DLG2: variants seen among roughly 807,000 people sequenced by gnomAD.
DLG2 encodes the protein discs large MAGUK scaffold protein 2, also known as disks large homolog 2.
DLG2 carries 45 observed loss-of-function variants against 132.5 expected under a neutral mutation model. The ratio of observed to expected loss-of-function variants is 0.34; its 90% CI spans 0.27 to 0.44. DLG2 has a LOEUF of 0.44. DLG2 is among the 20% of genes least tolerant of loss of function. The probability of loss-of-function intolerance (pLI) is 1.00; values close to 1 mark genes in which losing one functional copy is unlikely to be tolerated. For synonymous variants in DLG2, 424 were observed against 419.6 expected (o/e 1.01, Z -0.13); for missense variants, 1,045 against 1,196.9 (o/e 0.87, Z 1.87).
intron 22 of DLG2, among the ~76,000 whole-genome samples, chr11:83,478,485 G>C (rs1257234164): frequency 1.3e-5 from 2 of 151,960 alleles, no homozygotes; most frequent in Non-Finnish European, 2.9e-5. Flanking sequence ...CTAGTATTTA[G>C]AGTAAAAATA....
At chr11:84,928,911 A>G (rs1229215671) in intron 6 of DLG2, among the ~76,000 whole-genome samples, 1 of 147,386 alleles carries the variant, frequency 6.8e-6, no homozygotes, top group Non-Finnish European at 1.5e-5. Flanking sequence ...ATTGATATAA[A>G]TTTAACAAGC....
intron 5 of DLG2, among the ~76,000 whole-genome samples, chr11:85,151,568 T>A (rs1469134144): frequency 6.6e-6 from 1 of 152,180 alleles, no homozygotes; most frequent in Non-Finnish European, 1.5e-5. Context: ...TTTTTGTATA[T>A]GGTATAAAGT....
intron 6 of DLG2, among the ~76,000 whole-genome samples, chr11:84,874,719 A>T (rs983513956): frequency 6.6e-6 from 1 of 152,088 alleles, no homozygotes; most frequent in African/African-American, 2.4e-5. Flanking sequence ...AGATTGAAAG[A>T]CATACATAAG....
chr11:83,752,046 A>G (rs181507067), intron 18 of DLG2, among the ~76,000 whole-genome samples: 2,323 of 152,302 alleles, frequency 0.015, 25 homozygotes, highest in Non-Finnish European at 0.023. Context: ...AGGCAGGTGG[A>G]TCACGAGGTC....
At chr11:84,386,353 T>C (rs2098770163) in intron 7 of DLG2, among the ~76,000 whole-genome samples, 1 of 152,222 alleles carries the variant, frequency 6.6e-6, no homozygotes, top group African/African-American at 2.4e-5. Flanking sequence ...ATGTTTGATA[T>C]TTATAATATT....
chr11:83,593,493 G>A (rs1219139935), intron 19 of DLG2, among the ~76,000 whole-genome samples: 6 of 151,842 alleles, frequency 4.0e-5, no homozygotes, highest in Admixed American at 1.3e-4. Flanking sequence ...GGGGACTGTG[G>A]TGGGGTTGGC....
chr11:84,573,973 T>C (rs2099492252), intron 6 of DLG2, among the ~76,000 whole-genome samples: 1 of 152,204 alleles, frequency 6.6e-6, no homozygotes, highest in Non-Finnish European at 1.5e-5. Flanking sequence ...GGTACTTAAC[T>C]ATTCAACCAA....
chr11:84,344,959 GA>G (rs1001029308), intron 7 of DLG2, among the ~76,000 whole-genome samples: 3 of 151,566 alleles, frequency 2.0e-5, no homozygotes, highest in South Asian at 2.1e-4. Flanking sequence ...AAGCTGAAGT[GA>G]AAAAAAAGAG....
chr11:84,707,522 C>A (rs2059909774), intron 6 of DLG2, among the ~76,000 whole-genome samples: 1 of 151,738 alleles, frequency 6.6e-6, no homozygotes, highest in Admixed American at 6.6e-5. Context: ...AACAGAAAGC[C>A]AGCAGTGACT....
At chr11:84,661,441 T>G (rs191067289) in intron 6 of DLG2, among the ~76,000 whole-genome samples, 208 of 152,262 alleles carry the variant, frequency 1.4e-3, no homozygotes, top group Non-Finnish European at 2.3e-3. Context: ...TCCTCAATTA[T>G]AAAGTTGAAA....
chr11:85,404,739 A>C (rs2088550670), intron 3 of DLG2, among the ~76,000 whole-genome samples: 1 of 151,994 alleles, frequency 6.6e-6, no homozygotes. Flanking sequence ...GAATGTTGGT[A>C]TTTATAGTCT....
intron 3 of DLG2, among the ~76,000 whole-genome samples, chr11:85,371,227 C>G (rs1313256304): frequency 6.6e-6 from 1 of 152,086 alleles, no homozygotes; most frequent in Non-Finnish European, 1.5e-5. Context: ...TCAAGCAAAA[C>G]AGGAGTTAAC....
At chr11:85,193,635 C>T (rs942494376) in intron 4 of DLG2, among the ~76,000 whole-genome samples, 1 of 152,026 alleles carries the variant, frequency 6.6e-6, no homozygotes, top group Non-Finnish European at 1.5e-5. Flanking sequence ...TTAATGTTAT[C>T]GATCATCTTT....
chr11:84,883,960 T>G (rs1214794213), intron 6 of DLG2, among the ~76,000 whole-genome samples: 1 of 152,110 alleles, frequency 6.6e-6, no homozygotes, highest in African/African-American at 2.4e-5. Flanking sequence ...TGAGACTTCT[T>G]GTGCCAAAAC....
intron 18 of DLG2, among the ~76,000 whole-genome samples, chr11:83,734,338 CCCTTCCTTCCTT>C (rs563427546): frequency 0.22 from 20,547 of 95,184 alleles, 2,686 homozygotes; most frequent in Middle Eastern, 0.27. Context: ...CACTAATTTT[CCCTTCCTTCCTT>C]CCTTCCTTCC....
intron 4 of DLG2, among the ~76,000 whole-genome samples, chr11:85,259,950 T>C (rs1468369316): frequency 1.3e-5 from 2 of 152,140 alleles, no homozygotes; most frequent in African/African-American, 2.4e-5. Context: ...AAGTAATAAA[T>C]GAATGAGTAA....
intron 6 of DLG2, among the ~76,000 whole-genome samples, chr11:84,690,583 C>T (rs538031514): frequency 6.6e-6 from 1 of 151,728 alleles, no homozygotes; most frequent in South Asian, 2.1e-4. Context: ...AAGAATTTTC[C>T]CCAAGATATA....
intron 3 of DLG2, among the ~76,000 whole-genome samples, chr11:85,288,544 C>A (rs1424043900): frequency 6.6e-6 from 1 of 152,010 alleles, no homozygotes; most frequent in African/African-American, 2.4e-5. Context: ...TGCCTGTGGT[C>A]CCAGCTACTG....
At chr11:84,403,715 T>C (rs772486023) in intron 7 of DLG2, among the ~76,000 whole-genome samples, 1 of 152,214 alleles carries the variant, frequency 6.6e-6, no homozygotes, top group Non-Finnish European at 1.5e-5. Flanking sequence ...CTTCAATCTA[T>C]TTCTCACTCA....
Sources: allele counts gnomAD v4.1 joint callset (sites outside exome capture counted in the v4.1 genomes callset), GRCh38; gene constraint gnomAD v4.1.1; transcripts MANE v1.5; gene names NCBI Gene and HGNC (gene_info 2026-07-23, HGNC 2026-07-21).